The following TNN variants were observed in gnomAD, a reference collection of about 807,000 sequenced individuals.
The protein encoded by TNN is tenascin N.
A neutral mutation model predicts 134.4 loss-of-function variants in TNN; 122 were observed. That is an observed-to-expected ratio of 0.91 (90% CI 0.78 to 1.06). TNN has a LOEUF of 1.06. Ranked by LOEUF, TNN falls within the 50% of genes least tolerant of loss-of-function variation. The probability of loss-of-function intolerance (pLI) is 0.00; values close to 1 mark genes in which losing one functional copy is unlikely to be tolerated. For missense variants in TNN, 1,739 were observed against 1,699.4 expected (o/e 1.02, Z -0.41); for synonymous variants, 710 against 670.3 (o/e 1.06, Z -0.91).
At chr1:175,100,524 G>A (rs1272095262) in intron 9 of TNN, among the ~76,000 whole-genome samples, 1 of 152,194 alleles carries the variant, frequency 6.6e-6, no homozygotes, top group Non-Finnish European at 1.5e-5. Flanking sequence ...TGATTGGTCA[G>A]CCAAGGGTCA....
intron 1 of TNN, among the ~76,000 whole-genome samples, chr1:175,075,247 A>G (rs1439626678): frequency 6.6e-6 from 1 of 152,212 alleles, no homozygotes; most frequent in Non-Finnish European, 1.5e-5. Flanking sequence ...GTGGCTAGAA[A>G]TATTTCTTCC....
chr1:175,105,098 A>G (rs1447169330), intron 9 of TNN, among the ~76,000 whole-genome samples: 1 of 145,756 alleles, frequency 6.9e-6, no homozygotes, highest in African/African-American at 2.5e-5. Context: ...GGTATCTCCA[A>G]ACTCTCAGGC....
intron 17 of TNN, 49 bp from the exon 18 acceptor site, chr1:175,144,338 C>A: frequency 6.3e-7 from 1 of 1,578,662 alleles, no homozygotes; most frequent in South Asian, 1.1e-5. Context: ...TTGATCATCT[C>A]CTCGGTGGCT....
chr1:175,141,967 C>T (rs374690102), intron 17 of TNN, among the ~76,000 whole-genome samples: 7 of 152,210 alleles, frequency 4.6e-5, no homozygotes, highest in African/African-American at 1.7e-4. Flanking sequence ...TTTAGATCAT[C>T]ACAAACATGT....
intron 6 of TNN, among the ~76,000 whole-genome samples, chr1:175,092,023 T>C (rs2149431066): frequency 6.6e-6 from 1 of 152,298 alleles, no homozygotes; most frequent in South Asian, 2.1e-4. Flanking sequence ...TGCTGGGACC[T>C]GGGGTTGTAC....
Position 175,147,225 on chromosome 1 carries a change from C to T in TNN, c.*154C>T. Reference sequence around the variant, plus strand: ...AGCCATGGAGGTTCCTTCCCTCTCACCTGCATTTTTGCCCGTCTTTATGAG... The same window carrying T: ...AGCCATGGAGGTTCCTTCCCTCTCATCTGCATTTTTGCCCGTCTTTATGAG... On this transcript the variant is annotated 3_prime_UTR_variant, in exon 19 of 19. Coordinates refer to ENST00000239462, the MANE Select transcript of TNN (RefSeq NM_022093.2). 1 of 745,354 alleles carries T rather than the reference C, an allele frequency of 1.3e-6. No individual in the cohort carries two copies. Among genetic ancestry groups the T allele is most frequent in the Non-Finnish European group, 1.9e-6 (1 of 516,746 alleles). 46.2% of individuals were successfully genotyped at this position (745,354 alleles called of 1,614,324 possible). A position where few individuals can be genotyped will look rare whatever the true frequency, so the allele number is the denominator to read the frequency against.
At chr1:175,121,405 G>A (rs1249592300) in intron 11 of TNN, among the ~76,000 whole-genome samples, 1 of 152,222 alleles carries the variant, frequency 6.6e-6, no homozygotes, top group Admixed American at 6.5e-5. Context: ...AGAGCAAGTG[G>A]CCTGAGATGA....
chr1:175,106,740 G>C (rs143699844), intron 9 of TNN, among the ~76,000 whole-genome samples: 3,509 of 145,754 alleles, frequency 0.024, 345 homozygotes, highest in African/African-American at 0.08. Context: ...CCAACATGTT[G>C]TCGGGACCCC....
intron 2 of TNN, among the ~76,000 whole-genome samples, chr1:175,079,072 G>T (rs1674123706): frequency 6.6e-6 from 1 of 152,174 alleles, no homozygotes; most frequent in Admixed American, 6.5e-5. Context: ...GGGTCCTGCA[G>T]CCTTTTCAGG....
At position 175,067,925 on chromosome 1, in the gene TNN, C is replaced by A. The variant is rs759689717; in HGVS notation, c.-46C>A. 6.2e-6 allele frequency: 3 copies of A among 482,046 alleles called. 1 individual carries two copies. The highest frequency in any genetic ancestry group is 6.1e-5 in the East Asian group (1 of 16,284). The allele number at this position is 482,046 out of a possible 1,614,324, so 29.9% of individuals were successfully genotyped here. A position where few individuals can be genotyped will look rare whatever the true frequency, so the allele number is the denominator to read the frequency against. On this transcript the variant is annotated 5_prime_UTR_variant, in exon 1 of 19. Coordinates refer to ENST00000239462, the MANE Select transcript of TNN (RefSeq NM_022093.2). The stretch of plus-strand genomic sequence containing the variant: ...CAGCAGCATTGGAAGAGGCACCCAG[C>A]AGCCTCCCAGGTAAGAGTGCCAGTT...
chr1:175,140,343 C>T (rs981206997), intron 17 of TNN, among the ~76,000 whole-genome samples: 1 of 152,198 alleles, frequency 6.6e-6, no homozygotes, highest in Non-Finnish European at 1.5e-5. Context: ...TGGGACCCTC[C>T]CTGGACACAA....
chr1:175,072,619 C>T (rs1468066652), intron 1 of TNN, among the ~76,000 whole-genome samples: 1 of 152,160 alleles, frequency 6.6e-6, no homozygotes, highest in Non-Finnish European at 1.5e-5. Flanking sequence ...TTTCCTGCCA[C>T]GTGTTGGAGT....
At chr1:175,134,110 G>A (rs1675739637) in intron 15 of TNN, among the ~76,000 whole-genome samples, 1 of 152,170 alleles carries the variant, frequency 6.6e-6, no homozygotes, top group East Asian at 1.9e-4. Flanking sequence ...CATTGCCTGA[G>A]ACACACTCTA....
At chr1:175,125,862 C>T (rs200075044) in intron 12 of TNN, among the ~76,000 whole-genome samples, 77 of 7,448 alleles carry the variant, frequency 0.01, 1 homozygote, top group African/African-American at 0.016. Flanking sequence ...TTTCTTTTTT[C>T]TTTTTCTTTC....
intron 4 of TNN, among the ~76,000 whole-genome samples, chr1:175,083,095 G>A (rs928242712): frequency 1.3e-5 from 2 of 151,988 alleles, no homozygotes; most frequent in Admixed American, 1.3e-4. Flanking sequence ...TGGGCAGCAT[G>A]AGAATACCAG....
At chr1:175,102,448 G>A (rs1417815887) in intron 9 of TNN, among the ~76,000 whole-genome samples, 3 of 146,076 alleles carry the variant, frequency 2.1e-5, no homozygotes, top group South Asian at 2.3e-4. Context: ...CCTGCCCGGC[G>A]GGAAGGCAGC....
At chr1:175,084,893 G>A (rs978240842) in intron 5 of TNN, among the ~76,000 whole-genome samples, 1 of 152,224 alleles carries the variant, frequency 6.6e-6, no homozygotes. Flanking sequence ...TTAAGAGGCT[G>A]AGGCGGGAGG....
chr1:175,123,102 C>A (rs550675580), intron 11 of TNN, among the ~76,000 whole-genome samples: 9 of 152,232 alleles, frequency 5.9e-5, no homozygotes, highest in African/African-American at 2.2e-4. Context: ...GAGGTTATAT[C>A]CACAGCAGTT....
chr1:175,122,292 G>A (rs1675399509), intron 11 of TNN, among the ~76,000 whole-genome samples: 2 of 152,160 alleles, frequency 1.3e-5, no homozygotes, highest in Non-Finnish European at 2.9e-5. Flanking sequence ...GGAGGCTGAG[G>A]TGGGAGGATT....
Sources: allele counts gnomAD v4.1 joint callset (sites outside exome capture counted in the v4.1 genomes callset), GRCh38; gene constraint gnomAD v4.1.1; transcripts MANE v1.5; gene names NCBI Gene and HGNC (gene_info 2026-07-23, HGNC 2026-07-21).